Variants in PAPPA2 observed in about 807,000 individuals in gnomAD.
PAPPA2 encodes the protein pappalysin-2.
In PAPPA2, 86 loss-of-function variants were observed where a neutral mutation model predicts 176.4. That is an observed-to-expected ratio of 0.49 (90% CI 0.41 to 0.58). The LOEUF (loss-of-function observed/expected upper bound fraction) is 0.58, where lower values mean the gene tolerates loss of function less well. Ranked by LOEUF, PAPPA2 falls within the 20% of genes least tolerant of loss-of-function variation. The probability of loss-of-function intolerance (pLI) is 0.00; values close to 1 mark genes in which losing one functional copy is unlikely to be tolerated. For missense variants in PAPPA2, 2,073 were observed against 2,256.9 expected (o/e 0.92, Z 1.65); for synonymous variants, 809 against 852.2 (o/e 0.95, Z 0.88).
At chr1:176,561,537 A>G (rs895899270) in intron 2 of PAPPA2, among the ~76,000 whole-genome samples, 1 of 152,208 alleles carries the variant, frequency 6.6e-6, no homozygotes, top group African/African-American at 2.4e-5. Context: ...TTTTTTTACA[A>G]CACAGTCTAA....
intron 3 of PAPPA2, among the ~76,000 whole-genome samples, chr1:176,643,349 C>A (rs1270834197): frequency 6.6e-6 from 1 of 150,982 alleles, no homozygotes; most frequent in East Asian, 2.0e-4. Flanking sequence ...TGTAAATGGC[C>A]AAATAGTAAA....
At chr1:176,660,624 A>G (rs1558503024) in intron 3 of PAPPA2, among the ~76,000 whole-genome samples, 1 of 152,052 alleles carries the variant, frequency 6.6e-6, no homozygotes, top group Non-Finnish European at 1.5e-5. Flanking sequence ...AATTATACAC[A>G]TTTTCCACCC....
chr1:176,690,843 C>G (rs76675510), intron 5 of PAPPA2: 12,111 of 991,178 alleles, frequency 0.012, 89 homozygotes, highest in Non-Finnish European at 0.013. Context: ...GCCCATTGTA[C>G]TGTTTTTGAA....
chr1:176,486,434 G>C (rs1055693118), intron 1 of PAPPA2, among the ~76,000 whole-genome samples: 1 of 152,182 alleles, frequency 6.6e-6, no homozygotes, highest in Non-Finnish European at 1.5e-5. Context: ...AGGATGCTTA[G>C]ACAGGTACAG....
chr1:176,734,685 C>T (rs909687259), intron 12 of PAPPA2, among the ~76,000 whole-genome samples: 2 of 152,098 alleles, frequency 1.3e-5, no homozygotes, highest in South Asian at 2.1e-4. Context: ...TAAACTCTTC[C>T]TCGACAAAAT....
At chr1:176,656,294 A>G (rs905113322) in intron 3 of PAPPA2, among the ~76,000 whole-genome samples, 4 of 151,892 alleles carry the variant, frequency 2.6e-5, no homozygotes, top group South Asian at 4.2e-4. Flanking sequence ...CCCTTAAACT[A>G]CAGAGTCTAG....
At chr1:176,659,182 A>T (rs1278821659) in intron 3 of PAPPA2, among the ~76,000 whole-genome samples, 1 of 151,980 alleles carries the variant, frequency 6.6e-6, no homozygotes, top group Admixed American at 6.6e-5. Flanking sequence ...TTAGTTTCTT[A>T]GGGCCGCTGT....
chr1:176,557,202 A>G lies in PAPPA2; in HGVS notation c.880A>G (p.Lys294Glu), dbSNP rs199525923. 1 of 1,609,358 alleles carries G rather than the reference A, an allele frequency of 6.2e-7. No individual in the cohort carries two copies. Among genetic ancestry groups the G allele is most frequent in the East Asian group, 2.2e-5 (1 of 44,680 alleles). ...GGCGTTCACAGTGGAAGCCTGGGTT[A>G]AACCGGAGGGAGGACAGAACAACCC... Reference protein sequence around the residue: ...REAFTVEAWVKPEGGQNNPAI... With the variant: ...REAFTVEAWVEPEGGQNNPAI... The change falls in exon 2 of 23, where the codon AAA (lysine) becomes GAA (glutamate). Residue 294 changes from lysine to glutamate, a missense_variant. Coordinates refer to ENST00000367662, the MANE Select transcript of PAPPA2 (RefSeq NM_020318.3).
intron 3 of PAPPA2, among the ~76,000 whole-genome samples, chr1:176,638,405 T>C (rs1463052126): frequency 6.6e-6 from 1 of 151,890 alleles, no homozygotes; most frequent in Non-Finnish European, 1.5e-5. Flanking sequence ...GGGTAGATAT[T>C]TGGTGGGTTT....
intron 2 of PAPPA2, among the ~76,000 whole-genome samples, chr1:176,585,112 G>GTTACTATCTTA (rs1653229989): frequency 1.3e-5 from 2 of 152,126 alleles, no homozygotes; most frequent in Admixed American, 1.3e-4. Context: ...AACACATGCA[G>GTTACTATCTTA]TTACTATCTT....
intron 14 of PAPPA2, among the ~76,000 whole-genome samples, chr1:176,743,151 G>C (rs1662760442): frequency 6.6e-6 from 1 of 152,152 alleles, no homozygotes; most frequent in Admixed American, 6.5e-5. Context: ...AATCTGTGAG[G>C]ATTTCCTCCT....
At chr1:176,469,557 G>A (rs1651781940) in intron 1 of PAPPA2, among the ~76,000 whole-genome samples, 2 of 152,312 alleles carry the variant, frequency 1.3e-5, no homozygotes, top group South Asian at 2.1e-4. Flanking sequence ...AATTAAGTGA[G>A]CAGTTGCATA....
At chr1:176,471,318 T>C (rs773528197) in intron 1 of PAPPA2, among the ~76,000 whole-genome samples, 1 of 152,162 alleles carries the variant, frequency 6.6e-6, no homozygotes, top group Non-Finnish European at 1.5e-5. Context: ...TCTCATTTGC[T>C]TTGCCATTTA....
intron 3 of PAPPA2, among the ~76,000 whole-genome samples, chr1:176,655,424 A>C (rs12142816): frequency 0.25 from 37,913 of 151,688 alleles, 4,848 homozygotes; most frequent in South Asian, 0.33. Flanking sequence ...AACAACTCAA[A>C]AATAAAAGAA....
At chr1:176,464,094 A>G (rs1318251035) in intron 1 of PAPPA2, among the ~76,000 whole-genome samples, 1 of 152,216 alleles carries the variant, frequency 6.6e-6, no homozygotes, top group East Asian at 1.9e-4. Context: ...AAAAATAGAA[A>G]CTGTGGACTA....
chr1:176,710,593 C>G (rs1039613012), intron 11 of PAPPA2, among the ~76,000 whole-genome samples: 1 of 151,960 alleles, frequency 6.6e-6, no homozygotes, highest in Non-Finnish European at 1.5e-5. Context: ...GATCCTCTGA[C>G]GGATCTAAAA....
intron 1 of PAPPA2, among the ~76,000 whole-genome samples, chr1:176,534,055 T>A (rs1649945591): frequency 6.6e-6 from 1 of 152,052 alleles, no homozygotes; most frequent in Non-Finnish European, 1.5e-5. Context: ...TTATACAAAA[T>A]TTTTATATAA....
intron 3 of PAPPA2, among the ~76,000 whole-genome samples, chr1:176,666,606 T>TGA (rs1236696077): frequency 1.0e-4 from 12 of 120,116 alleles, no homozygotes; most frequent in African/African-American, 1.7e-4. Context: ...TGTGTGTGTG[T>TGA]GTGAGAGAGA....
intron 3 of PAPPA2, among the ~76,000 whole-genome samples, chr1:176,619,672 T>C (rs1655475294): frequency 6.6e-6 from 1 of 152,190 alleles, no homozygotes; most frequent in Admixed American, 6.5e-5. Context: ...TAAAATTAAA[T>C]TGAATAACTG....
Sources: gnomAD v4.1 joint callset for allele counts (sites outside exome capture counted in the v4.1 genomes callset) on GRCh38, gnomAD v4.1.1 for gene constraint, MANE v1.5 for transcripts, NCBI Gene and HGNC (gene_info 2026-07-23, HGNC 2026-07-21) for gene names.